Variants in PTPRE observed in about 807,000 individuals in gnomAD.
PTPRE encodes the protein protein tyrosine phosphatase receptor type E, also known as receptor-type tyrosine-protein phosphatase epsilon.
PTPRE carries 51 observed loss-of-function variants against 102.0 expected under a neutral mutation model. The ratio of observed to expected loss-of-function variants is 0.50; its 90% CI spans 0.40 to 0.63. The LOEUF is 0.63. Among genes scored for constraint, PTPRE ranks in the 30% least tolerant of loss-of-function variants. PTPRE has a pLI of 0.00. For missense variants in PTPRE, 752 were observed against 915.1 expected, an observed-to-expected ratio of 0.82 and a Z score of 2.30; for synonymous variants, 345 against 348.2, an observed-to-expected ratio of 0.99 and a Z score of 0.10.
At chr10:127,916,278 G>C (rs1846202758) in intron 1 of PTPRE, among the ~76,000 whole-genome samples, 2 of 152,148 alleles carry the variant, frequency 1.3e-5, no homozygotes, top group Non-Finnish European at 2.9e-5. Context: ...CCCCCATGCT[G>C]TTCTCATGAT....
intron 9 of PTPRE, 51 bp from the exon 10 acceptor site, chr10:128,063,032 A>G: frequency 6.2e-7 from 1 of 1,608,950 alleles, no homozygotes; most frequent in Non-Finnish European, 8.5e-7. Context: ...TGGGACCCCA[A>G]AGGGACTTCC....
intron 2 of PTPRE, among the ~76,000 whole-genome samples, chr10:128,025,588 C>T (rs1234130228): frequency 6.6e-6 from 1 of 152,192 alleles, no homozygotes; most frequent in Non-Finnish European, 1.5e-5. Context: ...TGAGCTCCTC[C>T]CAGACCCTGC....
intron 7 of PTPRE, among the ~76,000 whole-genome samples, chr10:128,060,615 G>C (rs887530334): frequency 1.3e-5 from 2 of 152,142 alleles, no homozygotes; most frequent in Non-Finnish European, 1.5e-5. Flanking sequence ...GCACTGCCAG[G>C]GGCCTGGCAC....
At chr10:127,994,017 T>G (rs1852984992) in intron 2 of PTPRE, among the ~76,000 whole-genome samples, 1 of 152,206 alleles carries the variant, frequency 6.6e-6, no homozygotes, top group Admixed American at 6.5e-5. Flanking sequence ...CCCCGGCACA[T>G]GTCCCATTGC....
At chr10:128,061,789 C>A in intron 9 of PTPRE, 74 bp downstream of exon 9, 1 of 1,513,026 alleles carries the variant, frequency 6.6e-7, no homozygotes, top group Non-Finnish European at 8.9e-7. Context: ...TGTATGCCAA[C>A]AAGACCAAGG....
At chr10:127,953,010 A>G (rs1335686459) in intron 1 of PTPRE, among the ~76,000 whole-genome samples, 2 of 152,200 alleles carry the variant, frequency 1.3e-5, no homozygotes, top group Non-Finnish European at 2.9e-5. Flanking sequence ...GAAGTGAAGG[A>G]TAAGTTGTTG....
chr10:128,043,939 A>C (rs1847902520), intron 3 of PTPRE, among the ~76,000 whole-genome samples: 1 of 152,176 alleles, frequency 6.6e-6, no homozygotes. Context: ...GACGTGTCTT[A>C]AAATTGGTAG....
intron 7 of PTPRE, among the ~76,000 whole-genome samples, chr10:128,060,032 CAT>C (rs1431525603): frequency 1.3e-5 from 2 of 150,428 alleles, no homozygotes; most frequent in Admixed American, 6.6e-5. Context: ...TCCACACAAA[CAT>C]ATCACACACA....
In PTPRE at chr10:127,953,262, C is replaced by T. The variant is rs369061751; in HGVS notation, c.-30-29012C>T. Among the ~76,000 whole-genome samples, 4 of 152,248 alleles carry T rather than the reference C, an allele frequency of 2.6e-5. No homozygotes were observed. The East Asian group carries it at 5.8e-4, about 22-fold the overall frequency. ...CAGTGGTGCTTGCGGTGTCAGTGGCCGATAGGGATGCTGTTTGGAGCCTTC... is the reference window on the plus strand; with the variant it reads ...CAGTGGTGCTTGCGGTGTCAGTGGCTGATAGGGATGCTGTTTGGAGCCTTC... On this transcript the variant is annotated intron_variant, in intron 1 of 20. Transcript: ENST00000254667.
intron 2 of PTPRE, among the ~76,000 whole-genome samples, chr10:128,030,148 G>GA (rs1846610075): frequency 6.6e-6 from 1 of 152,238 alleles, no homozygotes; most frequent in Non-Finnish European, 1.5e-5. Context: ...CTTGGTGGCA[G>GA]AGACCGTGTC....
At chr10:127,970,551 G>A (rs1850649154) in intron 1 of PTPRE, among the ~76,000 whole-genome samples, 1 of 151,840 alleles carries the variant, frequency 6.6e-6, no homozygotes, top group Non-Finnish European at 1.5e-5. Flanking sequence ...GTATCCTGAA[G>A]CACCTACACA....
chr10:127,960,751 C>T lies in PTPRE; in HGVS notation c.-30-21523C>T, dbSNP rs144179494. On this transcript the variant is annotated intron_variant, in intron 1 of 20. Coordinates refer to ENST00000254667, the MANE Select transcript of PTPRE (RefSeq NM_006504.6). ...CAAAAAATACAGAAACAGCCGGGCGCGGTGGCTCACGCCTGTAATCCCAGC... is the reference window on the plus strand; with the variant it reads ...CAAAAAATACAGAAACAGCCGGGCGTGGTGGCTCACGCCTGTAATCCCAGC... 7.2e-3 allele frequency among the ~76,000 whole-genome samples: 1,096 copies of T among 152,192 alleles called. 9 individuals are homozygous for T. Among genetic ancestry groups the T allele is most frequent in the African/African-American group, 0.021 (855 of 41,530 alleles).
intron 2 of PTPRE, chr10:127,999,822 T>C: frequency 1.0e-6 from 1 of 985,462 alleles, no homozygotes; most frequent in Non-Finnish European, 1.2e-6. Flanking sequence ...ACAAAGGGAA[T>C]ACTCAGTAAA....
At chr10:128,068,398 AG>A (rs1283719369) in intron 12 of PTPRE, 112 bp downstream of exon 12, 2 of 1,257,616 alleles carry the variant, frequency 1.6e-6, no homozygotes, top group African/African-American at 3.0e-5. Context: ...AGGTTTGGGC[AG>A]GGCTGATGTG....
intron 1 of PTPRE, among the ~76,000 whole-genome samples, chr10:127,918,747 G>A (rs1481711210): frequency 6.6e-6 from 1 of 152,204 alleles, no homozygotes; most frequent in African/African-American, 2.4e-5. Flanking sequence ...TCGGAGGACA[G>A]ACACACAATG....
chr10:128,050,240 GGATGGATGGATGGATGGAT>G (rs1165358443), intron 6 of PTPRE, among the ~76,000 whole-genome samples: 2 of 151,730 alleles, frequency 1.3e-5, no homozygotes, highest in East Asian at 3.9e-4. Flanking sequence ...ATGGATGGGT[GGATGGATGGATGGATGGAT>G]GATGGATGGA....
At chr10:127,940,632 G>C (rs899373394) in intron 1 of PTPRE, among the ~76,000 whole-genome samples, 1 of 152,212 alleles carries the variant, frequency 6.6e-6, no homozygotes, top group Non-Finnish European at 1.5e-5. Flanking sequence ...CTGAGTCCCA[G>C]ATGGATGTCT....
chr10:127,926,872 T>C (rs537198304), intron 1 of PTPRE, among the ~76,000 whole-genome samples: 76 of 145,956 alleles, frequency 5.2e-4, no homozygotes, highest in Non-Finnish European at 8.8e-4. Context: ...AGTGCAGTGG[T>C]GTGATCTCAG....
intron 1 of PTPRE, among the ~76,000 whole-genome samples, chr10:127,972,926 A>G (rs1850868484): frequency 6.6e-6 from 1 of 152,214 alleles, no homozygotes; most frequent in African/African-American, 2.4e-5. Flanking sequence ...TGTGTGGTGC[A>G]GCGGCTCGAG....
Sources: gnomAD v4.1 joint callset for allele counts (sites outside exome capture counted in the v4.1 genomes callset) on GRCh38, gnomAD v4.1.1 for gene constraint, MANE v1.5 for transcripts, NCBI Gene and HGNC (gene_info 2026-07-23, HGNC 2026-07-21) for gene names.